Variants in UBE3D observed in about 807,000 individuals in gnomAD.
The protein encoded by UBE3D is ubiquitin protein ligase E3D.
UBE3D carries 48 observed loss-of-function variants against 49.6 expected under a neutral mutation model. The observed-to-expected ratio is 0.97, with a 90% confidence interval of 0.77 to 1.23. The LOEUF is 1.23. UBE3D is among the 50% of genes most tolerant of loss of function. UBE3D has a pLI of 0.00. For synonymous variants in UBE3D, 189 were observed against 174.2 expected, an observed-to-expected ratio of 1.08 and a Z score of -0.67; for missense variants, 452 against 468.4, an observed-to-expected ratio of 0.96 and a Z score of 0.32.
chr6:82,958,486 A>G lies in UBE3D; in HGVS notation c.1011-1036T>C, dbSNP rs73478974. 8.3e-3 allele frequency among the ~76,000 whole-genome samples: 1,265 copies of G among 152,338 alleles called. 22 individuals are homozygous for G. The highest frequency in any genetic ancestry group is 0.029 in the African/African-American group (1,197 of 41,572). On this transcript the variant is annotated intron_variant, in intron 8 of 9. Coordinates refer to ENST00000369747, the MANE Select transcript of UBE3D (RefSeq NM_198920.3). ...TCAGTGGTGAATAATGGAAACTTGG[A>G]GAGAATCAGTGGTTTGGGACATAAT...
intron 3 of UBE3D, among the ~76,000 whole-genome samples, chr6:83,053,740 G>A (rs1783626657): frequency 6.6e-6 from 1 of 152,140 alleles, no homozygotes; most frequent in African/African-American, 2.4e-5. Context: ...TTTTAGAAAG[G>A]CACTGATAAA....
At chr6:83,034,709 T>G (rs1782120575) in intron 5 of UBE3D, among the ~76,000 whole-genome samples, 1 of 152,148 alleles carries the variant, frequency 6.6e-6, no homozygotes. Flanking sequence ...TTCTTTGCCT[T>G]CTGCCATGAC....
chr6:83,045,416 T>C (rs1782960746), intron 3 of UBE3D, among the ~76,000 whole-genome samples: 1 of 152,222 alleles, frequency 6.6e-6, no homozygotes, highest in Non-Finnish European at 1.5e-5. Flanking sequence ...CTACTTATAG[T>C]CTACTGTGTT....
chr6:83,044,590 A>T lies in UBE3D; in HGVS notation c.435T>A (p.His145Gln). Residue 145 changes from histidine to glutamine, a missense_variant, in exon 4 of 10, where the codon CAT (histidine) becomes CAA (glutamine). His to Gln is a conservative substitution (Grantham distance 24). Transcript: ENST00000369747. ...WGALVGEWCC[H>Q]PDPFANKSLH... ...GTGATTTATTAGCAAAGGGGTCAGG[A>T]TGACAACACCATTCTCCAACTAGAG... is the stretch of plus-strand genomic sequence containing the variant. The T allele has an allele frequency of 6.2e-7, 1 of 1,614,168 alleles. No individual in the cohort carries two copies. Among genetic ancestry groups the T allele is most frequent in the Non-Finnish European group, 8.5e-7 (1 of 1,180,002 alleles).
intron 8 of UBE3D, among the ~76,000 whole-genome samples, chr6:82,994,072 A>G (rs1432483368): frequency 6.6e-6 from 1 of 152,240 alleles, no homozygotes; most frequent in Non-Finnish European, 1.5e-5. Flanking sequence ...GAGCAAAACA[A>G]TAATCATAGG....
At chr6:83,047,955 A>G (rs1032206663) in intron 3 of UBE3D, among the ~76,000 whole-genome samples, 1 of 151,508 alleles carries the variant, frequency 6.6e-6, no homozygotes, top group Non-Finnish European at 1.5e-5. Context: ...GCTGGCGGGC[A>G]CCTGTAGTCC....
intron 8 of UBE3D, among the ~76,000 whole-genome samples, chr6:83,002,513 C>T (rs1479785146): frequency 2.0e-5 from 3 of 152,170 alleles, no homozygotes; most frequent in Non-Finnish European, 4.4e-5. Flanking sequence ...GATGAAACCT[C>T]GTCTCTACTA....
chr6:82,943,442 G>T (rs781519547), intron 9 of UBE3D, among the ~76,000 whole-genome samples: 1 of 151,964 alleles, frequency 6.6e-6, no homozygotes, highest in East Asian at 1.9e-4. Flanking sequence ...TCAAGACCAC[G>T]CTGGGCAACA....
intron 3 of UBE3D, among the ~76,000 whole-genome samples, chr6:83,052,850 A>G (rs913571444): frequency 1.3e-5 from 2 of 152,230 alleles, no homozygotes; most frequent in African/African-American, 4.8e-5. Flanking sequence ...AATAGATCAG[A>G]TGAGAGGACA....
intron 8 of UBE3D, among the ~76,000 whole-genome samples, chr6:82,988,209 A>C (rs1004400973): frequency 3.3e-5 from 5 of 152,154 alleles, no homozygotes; most frequent in Non-Finnish European, 7.4e-5. Context: ...GATAAAAGAG[A>C]ACGAACTTAG....
rs920382626 is a variant in UBE3D at position 83,034,675 on chromosome 6, C to G, written c.667+3741G>C. Among the ~76,000 whole-genome samples, 2 of 152,250 alleles carry G rather than the reference C, an allele frequency of 1.3e-5. 1 individual carries two copies. Among genetic ancestry groups the G allele is most frequent in the African/African-American group, 4.8e-5 (2 of 41,552 alleles). ...ATTCCCTGCTCTCTCTCTCCTGCCCCCTTATGAAGAAGGTGCTTGCTGCTT... is the reference window on the plus strand; with the variant it reads ...ATTCCCTGCTCTCTCTCTCCTGCCCGCTTATGAAGAAGGTGCTTGCTGCTT... On this transcript the variant is annotated intron_variant, in intron 5 of 9. Coordinates refer to ENST00000369747, the MANE Select transcript of UBE3D (RefSeq NM_198920.3).
intron 3 of UBE3D, among the ~76,000 whole-genome samples, chr6:83,047,729 A>G (rs6913642): frequency 0.65 from 98,488 of 151,846 alleles, 32,856 homozygotes; most frequent in East Asian, 0.78. Flanking sequence ...AACAACTTTG[A>G]GAGACAGGAA....
chr6:82,957,802 C>T (rs1776271620), intron 8 of UBE3D, among the ~76,000 whole-genome samples: 3 of 152,274 alleles, frequency 2.0e-5, no homozygotes, highest in African/African-American at 7.2e-5. Context: ...CATGTAATCT[C>T]GTTTACCCCT....
At chr6:82,932,841 T>C (rs1774267699) in intron 9 of UBE3D, among the ~76,000 whole-genome samples, 1 of 152,156 alleles carries the variant, frequency 6.6e-6, no homozygotes, top group African/African-American at 2.4e-5. Context: ...CCAGGAAATG[T>C]GTATGGAGCA....
At chr6:82,921,544 G>GA (rs199534264) in intron 9 of UBE3D, among the ~76,000 whole-genome samples, 14 of 151,544 alleles carry the variant, frequency 9.2e-5, no homozygotes, top group East Asian at 3.9e-4. Flanking sequence ...ATGAACTGGA[G>GA]AAAAAAAAAT....
chr6:82,896,082 A>C (rs1260849427), intron 9 of UBE3D, among the ~76,000 whole-genome samples: 1 of 152,212 alleles, frequency 6.6e-6, no homozygotes, highest in Non-Finnish European at 1.5e-5. Context: ...ATGAAACTGC[A>C]ATCATCCTTG....
chr6:83,039,987 G>A (rs1782542309), intron 4 of UBE3D, among the ~76,000 whole-genome samples: 1 of 152,172 alleles, frequency 6.6e-6, no homozygotes, highest in Non-Finnish European at 1.5e-5. Context: ...AAATATGACA[G>A]TGCTTCAAAC....
At chr6:83,049,469 TAC>T (rs1224512397) in intron 3 of UBE3D, among the ~76,000 whole-genome samples, 1 of 152,260 alleles carries the variant, frequency 6.6e-6, no homozygotes, top group Non-Finnish European at 1.5e-5. Flanking sequence ...CAAAAGTTTG[TAC>T]AGTGTTACCA....
chr6:83,027,861 A>G (rs1328670693), intron 5 of UBE3D, among the ~76,000 whole-genome samples: 4 of 152,152 alleles, frequency 2.6e-5, no homozygotes, highest in Admixed American at 2.0e-4. Context: ...AATATTGCCC[A>G]TGCTCCATTC....
Sources: allele counts gnomAD v4.1 joint callset (sites outside exome capture counted in the v4.1 genomes callset), GRCh38; gene constraint gnomAD v4.1.1; transcripts MANE v1.5; gene names NCBI Gene and HGNC (gene_info 2026-07-23, HGNC 2026-07-21).